Variants in NIM1K observed in about 807,000 individuals in gnomAD.
NIM1K encodes NIM1 serine/threonine protein kinase, also known as serine/threonine-protein kinase NIM1.
NIM1K carries 35 observed loss-of-function variants against 37.1 expected under a neutral mutation model. The observed-to-expected ratio is 0.94, with a 90% confidence interval of 0.72 to 1.25. The LOEUF is 1.25. Ranked by LOEUF, NIM1K falls within the 50% of genes most tolerant of loss-of-function variation. The pLI is 0.00. For missense variants in NIM1K, 564 were observed against 548.0 expected (o/e 1.03, Z -0.29); for synonymous variants, 234 against 206.6 (o/e 1.13, Z -1.14).
Position 43,265,780 on chromosome 5 carries a change from A to G in NIM1K, c.293-11277A>G, listed in dbSNP as rs183318548. ...TTTTATCTACCTTTGGTCTTTGATG[A>G]TGGTGACCTACAGATGGGATTTTGG... is the stretch of plus-strand genomic sequence containing the variant. On this transcript the variant is annotated intron_variant, in intron 2 of 3. Transcript: ENST00000326035. 2.6e-5 allele frequency among the ~76,000 whole-genome samples: 4 copies of G among 152,254 alleles called. No homozygotes were observed. The East Asian group carries it at 7.7e-4, about 29-fold the overall frequency.
At position 43,279,974 on chromosome 5, in the gene NIM1K, C is replaced by T. The variant is rs765992587; in HGVS notation, c.562-6C>T. 5 of 1,601,250 alleles carry T rather than the reference C, an allele frequency of 3.1e-6. No individual in the cohort carries two copies. In the Admixed American group the frequency reaches 6.7e-5, roughly 22 times the overall value. ...AAATGACTTTTCTCTATGTCTTCTT[C>T]CACAGCATGAAAACCAAATTATTCA... On this transcript the variant is annotated splice_polypyrimidine_tract_variant and splice_region_variant and intron_variant, in intron 3 of 3. Coordinates refer to ENST00000326035, the MANE Select transcript of NIM1K (RefSeq NM_153361.4).
intron 1 of NIM1K, among the ~76,000 whole-genome samples, chr5:43,234,640 A>G (rs992038982): frequency 1.1e-4 from 17 of 151,792 alleles, no homozygotes; most frequent in Non-Finnish European, 1.9e-4. Flanking sequence ...TATTTTATTT[A>G]TTTTGTATTA....
chr5:43,208,580 C>T (rs907284478), intron 1 of NIM1K, among the ~76,000 whole-genome samples: 5 of 149,460 alleles, frequency 3.3e-5, no homozygotes, highest in African/African-American at 7.4e-5. Context: ...CCAGCCTGGG[C>T]GACAGGGCAG....
At chr5:43,272,795 T>C (rs1753277014) in intron 2 of NIM1K, among the ~76,000 whole-genome samples, 1 of 152,132 alleles carries the variant, frequency 6.6e-6, no homozygotes, top group Admixed American at 6.5e-5. Context: ...TGGCTTCTCT[T>C]GAAAAAAAAT....
At chr5:43,264,572 C>T (rs1753091495) in intron 2 of NIM1K, among the ~76,000 whole-genome samples, 1 of 152,130 alleles carries the variant, frequency 6.6e-6, no homozygotes, top group Non-Finnish European at 1.5e-5. Flanking sequence ...TGACTCTATC[C>T]AATTTGCCAG....
At position 43,276,952 on chromosome 5, in the gene NIM1K, C is replaced by A. The variant is rs372836568; in HGVS notation, c.293-105C>A. The A allele has an allele frequency of 4.4e-6, 5 of 1,141,008 alleles. No homozygotes were observed. In the East Asian group the frequency reaches 7.1e-5, roughly 16 times the overall value. The allele number at this position is 1,141,008 out of a possible 1,614,324, so 70.7% of individuals were successfully genotyped here. On this transcript the variant is annotated intron_variant, in intron 2 of 3. Transcript: ENST00000326035. ...CTGATGAGCTCTCTCAGCTTGGGAA[C>A]AGCCACTCTCTGTCTAGTAAAGGAA...
chr5:43,235,917 A>C (rs1036514825), intron 1 of NIM1K, among the ~76,000 whole-genome samples: 1 of 152,048 alleles, frequency 6.6e-6, no homozygotes, highest in Non-Finnish European at 1.5e-5. Flanking sequence ...CTGGAGGCCA[A>C]ATCCAGCCTG....
At chr5:43,271,712 T>C (rs1753259487) in intron 2 of NIM1K, among the ~76,000 whole-genome samples, 1 of 152,202 alleles carries the variant, frequency 6.6e-6, no homozygotes, top group Non-Finnish European at 1.5e-5. Flanking sequence ...ATTTTAACTC[T>C]ATGGAATGTT....
chr5:43,232,297 G>T, intron 1 of NIM1K: 1 of 1,182,140 alleles, frequency 8.5e-7, no homozygotes, highest in Non-Finnish European at 1.3e-6. Context: ...AGCAAGCACT[G>T]GCAGTCTCTG....
chr5:43,200,445 T>A (rs1434727716), intron 1 of NIM1K, among the ~76,000 whole-genome samples: 1 of 151,984 alleles, frequency 6.6e-6, no homozygotes, highest in African/African-American at 2.4e-5. Flanking sequence ...GGACTACAGG[T>A]GCCCGCCTCC....
At chr5:43,278,581 A>G (rs563999336) in intron 3 of NIM1K, among the ~76,000 whole-genome samples, 280 of 152,334 alleles carry the variant, frequency 1.8e-3, no homozygotes, top group South Asian at 3.5e-3. Context: ...CTGTCAGAAA[A>G]GAGACACTTG....
At chr5:43,237,332 G>A (rs1752636393) in intron 1 of NIM1K, among the ~76,000 whole-genome samples, 1 of 152,136 alleles carries the variant, frequency 6.6e-6, no homozygotes, top group Non-Finnish European at 1.5e-5. Flanking sequence ...TTAATGCATT[G>A]CTATATAGCA....
At chr5:43,212,901 G>A (rs1752223887) in intron 1 of NIM1K, among the ~76,000 whole-genome samples, 1 of 152,200 alleles carries the variant, frequency 6.6e-6, no homozygotes, top group South Asian at 2.1e-4. Context: ...AATTTAGAAT[G>A]TGTACCAGAT....
chr5:43,216,561 T>C (rs569647800), intron 1 of NIM1K, among the ~76,000 whole-genome samples: 9 of 152,200 alleles, frequency 5.9e-5, no homozygotes, highest in Non-Finnish European at 1.2e-4. Flanking sequence ...GAGCAAGAAG[T>C]ATTTTGGTAA....
intron 2 of NIM1K, among the ~76,000 whole-genome samples, chr5:43,274,308 A>G (rs1346330068): frequency 6.6e-6 from 1 of 152,186 alleles, no homozygotes; most frequent in East Asian, 1.9e-4. Flanking sequence ...CTGATTCTTG[A>G]ACACTCACTG....
At chr5:43,261,578 T>C (rs1430084221) in intron 2 of NIM1K, among the ~76,000 whole-genome samples, 1 of 152,114 alleles carries the variant, frequency 6.6e-6, no homozygotes, top group East Asian at 1.9e-4. Flanking sequence ...ATTCTGATGG[T>C]AGTTTCTTTT....
intron 1 of NIM1K, among the ~76,000 whole-genome samples, chr5:43,237,844 T>C (rs1752643326): frequency 6.6e-6 from 1 of 152,140 alleles, no homozygotes; most frequent in South Asian, 2.1e-4. Flanking sequence ...CTCACTGTAC[T>C]GTTTTTTAAA....
intron 1 of NIM1K, among the ~76,000 whole-genome samples, chr5:43,230,470 AC>A (rs1752521769): frequency 6.6e-6 from 1 of 152,272 alleles, no homozygotes; most frequent in South Asian, 2.1e-4. Flanking sequence ...ACATGGCCAA[AC>A]TAAACTATAG....
intron 1 of NIM1K, among the ~76,000 whole-genome samples, chr5:43,213,750 C>A (rs1752256164): frequency 6.6e-6 from 1 of 152,152 alleles, no homozygotes; most frequent in Admixed American, 6.5e-5. Flanking sequence ...CCCAGCTTGG[C>A]CTCCCAAAGT....
Sources: allele counts gnomAD v4.1 joint callset (sites outside exome capture counted in the v4.1 genomes callset), GRCh38; gene constraint gnomAD v4.1.1; transcripts MANE v1.5; gene names NCBI Gene and HGNC (gene_info 2026-07-23, HGNC 2026-07-21).